DEGS2: variants seen among roughly 807,000 people sequenced by gnomAD.
DEGS2 encodes the protein delta 4-desaturase, sphingolipid 2, also known as sphingolipid delta(4)-desaturase/C4-monooxygenase DES2.
A neutral mutation model predicts 23.8 loss-of-function variants in DEGS2; 19 were observed. The observed-to-expected ratio is 0.80, with a 90% CI of 0.56 to 1.17. DEGS2 has a LOEUF of 1.17. Ranked by LOEUF, DEGS2 falls within the 50% of genes most tolerant of loss-of-function variation. DEGS2 has a pLI of 0.00. For synonymous variants in DEGS2, 218 were observed against 213.7 expected (o/e 1.02, Z -0.18); for missense variants, 390 against 459.5 (o/e 0.85, Z 1.38).
chr14:100,163,296 C>G (rs780220719), upstream of DEGS2, among the ~76,000 whole-genome samples: 1 of 152,068 alleles, frequency 6.6e-6, no homozygotes, highest in Non-Finnish European at 1.5e-5. Context: ...CAAAAATTAG[C>G]CAGGCGTGGT....
intron 1 of DEGS2, among the ~76,000 whole-genome samples, chr14:100,157,322 T>C (rs185932395): frequency 1.4e-4 from 22 of 152,358 alleles, no homozygotes; most frequent in Middle Eastern, 6.8e-3. Flanking sequence ...CTGGCTGCCA[T>C]GTGCCTCTTG....
chr14:100,156,759 G>A (rs1476296949), intron 1 of DEGS2, among the ~76,000 whole-genome samples: 1 of 152,234 alleles, frequency 6.6e-6, no homozygotes, highest in East Asian at 1.9e-4. Context: ...CAGGAGGTGG[G>A]ACTGAACTGA....
intron 1 of DEGS2, 37 bp downstream of exon 1, chr14:100,159,469 G>A (rs1889713567): frequency 6.9e-7 from 1 of 1,442,522 alleles, no homozygotes; most frequent in Non-Finnish European, 9.1e-7. Context: ...GGCCAACGGG[G>A]CGGTCCCCAC....
intron 1 of DEGS2, 47 bp from the exon 2 acceptor site, chr14:100,149,757 AC>A (rs747293912): frequency 1.3e-6 from 2 of 1,537,606 alleles, no homozygotes; most frequent in Non-Finnish European, 1.8e-6. Flanking sequence ...GTGGGGCTGC[AC>A]CCCGCCCTCC....
rs1889413186 is a variant in DEGS2 at position 100,145,045 on chromosome 14, G to A, written c.*1716C>T. On this transcript the variant is annotated 3_prime_UTR_variant, in exon 3 of 3. Coordinates refer to ENST00000305631, the MANE Select transcript of DEGS2 (RefSeq NM_206918.3). ...TGGCACTTTTAACCCAGGGCCTGCA[G>A]ACCACAGCTCAGAGCTGCTCTCTCC... The A allele has an allele frequency of 6.6e-6, 1 of 152,498 alleles. No homozygotes were observed. The highest frequency in any genetic ancestry group is 1.5e-5 in the Non-Finnish European group (1 of 68,256). The allele number at this position is 152,498 out of a possible 1,614,324, so 9.4% of individuals were successfully genotyped here.
At chr14:100,165,099 C>A in the DEGS2 span, among the ~76,000 whole-genome samples, 1 of 152,164 alleles carries the variant, frequency 6.6e-6, no homozygotes, top group East Asian at 1.9e-4. Context: ...CCTCCTAGGA[C>A]TAGAGATTCC....
rs2140416084 is a variant in DEGS2, at chr14:100,144,373, A to G, written c.*2388T>C. 1 of 151,276 alleles carries G rather than the reference A, an allele frequency of 6.6e-6. No individual in the cohort carries two copies. The highest frequency in any genetic ancestry group is 1.5e-5 in the Non-Finnish European group (1 of 68,200). 9.4% of individuals were successfully genotyped at this position (151,276 alleles called of 1,614,324 possible). A position where few individuals can be genotyped will look rare whatever the true frequency, so the allele number is the denominator to read the frequency against. On this transcript the variant is annotated 3_prime_UTR_variant, in exon 3 of 3. Transcript: ENST00000305631. Reference sequence around the variant, plus strand: ...GTCTTCGACAGGAAGCTGGGCTCAGAACATTCCCAAGCCCCGGGAAGGTGG... The same window carrying G: ...GTCTTCGACAGGAAGCTGGGCTCAGGACATTCCCAAGCCCCGGGAAGGTGG...
upstream of DEGS2, among the ~76,000 whole-genome samples, chr14:100,164,032 A>G (rs367680647): frequency 6.6e-6 from 1 of 152,100 alleles, no homozygotes; most frequent in East Asian, 1.9e-4. Flanking sequence ...CCGGGACAAC[A>G]TGGCAAAACC....
chr14:100,163,533 G>A (rs1318247317), upstream of DEGS2, among the ~76,000 whole-genome samples: 1 of 152,158 alleles, frequency 6.6e-6, no homozygotes, highest in Non-Finnish European at 1.5e-5. Flanking sequence ...ACAGTTTCAG[G>A]ATCCAAGCGG....
rs1595271899 is a variant in DEGS2, at chr14:100,145,483, G to C, written c.*1278C>G. 6.6e-6 allele frequency: 1 copy of C among 152,396 alleles called. No individual in the cohort carries two copies. Among genetic ancestry groups the C allele is most frequent in the South Asian group, 2.1e-4 (1 of 4,834 alleles). 9.4% of individuals were successfully genotyped at this position (152,396 alleles called of 1,614,324 possible). A position where few individuals can be genotyped will look rare whatever the true frequency, so the allele number is the denominator to read the frequency against. On this transcript the variant is annotated 3_prime_UTR_variant, in exon 3 of 3. Coordinates refer to ENST00000305631, the MANE Select transcript of DEGS2 (RefSeq NM_206918.3). ...TGCGGGGCCACTCCCAGGTATAGGGGGAGACCTGCATCTCCCAGGTCAGCA... is the reference window on the plus strand; with the variant it reads ...TGCGGGGCCACTCCCAGGTATAGGGCGAGACCTGCATCTCCCAGGTCAGCA...
At position 100,146,930 on chromosome 14, in the gene DEGS2, CAG is replaced by C. The variant is rs138493873; in HGVS notation, c.826-25_826-24del. ...CACCTGTAGAGAGGAGGGCGGGGCT[CAG>C]GGGCTGGTTCTCCTCGGGGCCGCAC... On this transcript the variant is annotated intron_variant, in intron 2 of 2. Transcript: ENST00000305631. 1,185 of 1,605,046 alleles carry C rather than the reference CAG, an allele frequency of 7.4e-4. 3 individuals are homozygous for C. Among genetic ancestry groups the C allele is most frequent in the African/African-American group, 3.4e-3 (251 of 74,910 alleles).
intron 2 of DEGS2, 148 bp from the exon 3 acceptor site, chr14:100,147,055 A>G (rs1449308961): frequency 3.4e-6 from 3 of 870,948 alleles, no homozygotes; most frequent in East Asian, 5.7e-5. Context: ...CCACACACAC[A>G]CATGGGTGTA....
chr14:100,150,688 C>T (rs1220723974), intron 1 of DEGS2, among the ~76,000 whole-genome samples: 13 of 152,156 alleles, frequency 8.5e-5, no homozygotes, highest in East Asian at 1.9e-4. Context: ...CATGGTGCGC[C>T]CTCAGGGTCC....
chr14:100,166,282 G>GGAGCCTGCCCGGGGA, the DEGS2 span, among the ~76,000 whole-genome samples: 2 of 67,368 alleles, frequency 3.0e-5, no homozygotes, highest in Non-Finnish European at 3.3e-5. Context: ...CTGTCTGGGG[G>GGAGCCTGCCCGGGGA]AGTGGGGGGA....
Position 100,149,498 on chromosome 14 carries a change from T to G in DEGS2, c.295A>C (p.Thr99Pro), listed in dbSNP as rs1396762531. ...HDISHNAAFG[T>P]GRAARNRWLA... ...CAGCGGTTGCGTGCCGCACGGCCCG[T>G]GCCGAAGGCCGCGTTGTGCGAGATG... Residue 99 changes from threonine to proline, a missense_variant, in exon 2 of 3, where the codon ACG (threonine) becomes CCG (proline). By Grantham distance (38) the Thr-to-Pro change is conservative. Transcript: ENST00000305631. 6.2e-7 allele frequency: 1 copy of G among 1,600,118 alleles called. No homozygotes were observed. The highest frequency in any genetic ancestry group is 1.3e-5 in the African/African-American group (1 of 74,778).
chr14:100,151,112 T>C (rs1447327133), intron 1 of DEGS2, among the ~76,000 whole-genome samples: 1 of 152,112 alleles, frequency 6.6e-6, no homozygotes, highest in African/African-American at 2.4e-5. Context: ...ACCTGGCCAA[T>C]AGCAGGGGCC....
chr14:100,164,458 C>A (rs1889784559), upstream of DEGS2, among the ~76,000 whole-genome samples: 1 of 151,304 alleles, frequency 6.6e-6, no homozygotes, highest in Admixed American at 6.6e-5. Flanking sequence ...CAACATGCTG[C>A]AACCCCGTCT....
the DEGS2 span, among the ~76,000 whole-genome samples, chr14:100,165,237 T>C: frequency 1.1e-4 from 17 of 152,102 alleles, no homozygotes; most frequent in African/African-American, 4.1e-4. Flanking sequence ...GGACAGCCCC[T>C]CTGTCCCAGA....
Position 100,149,600 on chromosome 14 carries a change from C to T in DEGS2, c.193G>A (p.Ala65Thr). 1 of 1,610,248 alleles carries T rather than the reference C, an allele frequency of 6.2e-7. No homozygotes were observed. Residue 65 changes from alanine (A) to threonine (T), a missense_variant, in exon 2 of 3, where the codon GCC (alanine) becomes ACC (threonine). Transcript: ENST00000305631. ...GCCCAGAACAGCAGCCAGCGCCAGG[C>T]CAGCCCGCGCACCAGCCAGCAGGCC... is the stretch of plus-strand genomic sequence containing the variant. ...MLACWLVRGL[A>T]WRWLLFWAYA... is the part of the protein sequence containing the mutation.
Sources: gnomAD v4.1 joint callset for allele counts (sites outside exome capture counted in the v4.1 genomes callset) on GRCh38, gnomAD v4.1.1 for gene constraint, MANE v1.5 for transcripts, NCBI Gene and HGNC (gene_info 2026-07-23, HGNC 2026-07-21) for gene names.